Variants in KIF21B observed in about 807,000 individuals in gnomAD.
KIF21B encodes the protein kinesin family member 21B.
KIF21B carries 85 observed loss-of-function variants against 192.9 expected under a neutral mutation model. That is an observed-to-expected ratio of 0.44 (90% confidence interval 0.37 to 0.53). KIF21B has a LOEUF of 0.53. KIF21B is among the 20% of genes least tolerant of loss of function. KIF21B has a pLI of 0.00. For missense variants in KIF21B, 1,716 were observed against 2,194.8 expected, an observed-to-expected ratio of 0.78 and a Z score of 4.36; for synonymous variants, 832 against 884.6, an observed-to-expected ratio of 0.94 and a Z score of 1.05.
At chr1:201,021,482 C>A (rs896448846) in intron 1 of KIF21B, among the ~76,000 whole-genome samples, 12 of 152,352 alleles carry the variant, frequency 7.9e-5, no homozygotes, top group Non-Finnish European at 7.4e-5. Context: ...GGCAATCTGA[C>A]TGGGAACCAG....
Position 201,003,611 on chromosome 1 carries a change from T to C in KIF21B, c.1187A>G (p.Gln396Arg). The C allele has an allele frequency of 6.2e-7, 1 of 1,614,108 alleles. No homozygotes were observed. Among genetic ancestry groups the C allele is most frequent in the South Asian group, 1.1e-5 (1 of 91,082 alleles). Reference sequence around the variant, plus strand: ...CGCCTTATACTCCATCAGCTCCATCTGCAGCCGAGCAATCTCAGCCCGCAG... The same window carrying C: ...CGCCTTATACTCCATCAGCTCCATCCGCAGCCGAGCAATCTCAGCCCGCAG... ...SALRAEIARLQMELMEYKAGK... is the reference protein window; with the variant it reads ...SALRAEIARLRMELMEYKAGK... The change falls in exon 8 of 35, where the codon CAG (glutamine) becomes CGG (arginine). Residue 396 changes from glutamine (Q) to arginine (R), a missense_variant. Around this residue, in one of 3 missense-constraint regions of KIF21B, gnomAD observed 1,087 missense variants for 1,316.6 expected, o/e 0.83. Coordinates refer to ENST00000461742, the MANE Select transcript of KIF21B (RefSeq NM_001252102.2).
At chr1:201,003,843 C>A in intron 7 of KIF21B, 62 bp from the exon 8 acceptor site, 1 of 1,551,114 alleles carries the variant, frequency 6.4e-7, no homozygotes, top group Non-Finnish European at 8.9e-7. Context: ...GAAGCATTGC[C>A]TCAGGGTAGA....
At chr1:200,973,628 C>G (rs890836022) in intron 34 of KIF21B, 50 bp from the exon 35 acceptor site, 34 of 1,521,300 alleles carry the variant, frequency 2.2e-5, no homozygotes, top group Non-Finnish European at 3.0e-5. Flanking sequence ...TTGCAGTGGG[C>G]TTGGCTGGCT....
intron 1 of KIF21B, among the ~76,000 whole-genome samples, chr1:201,016,142 G>A (rs765471377): frequency 6.6e-6 from 1 of 152,188 alleles, no homozygotes; most frequent in African/African-American, 2.4e-5. Flanking sequence ...AATTTGTAAT[G>A]GTGGAGATGA....
At position 201,023,387 on chromosome 1, in the gene KIF21B, C is replaced by T; in HGVS notation, c.-4G>A. On this transcript the variant is annotated 5_prime_UTR_variant, in exon 1 of 35. Transcript: ENST00000461742. The surrounding 1 kb of genome is among the most constrained non-coding windows in gnomAD (Gnocchi z 5.9). ...AGCAGTCCCCCTGGCCGGCCATGGC[C>T]CTCTGGAGCTAGGGTCTGGGCGTGG... 6.6e-7 allele frequency: 1 copy of T among 1,524,668 alleles called. No individual in the cohort carries two copies. The highest frequency in any genetic ancestry group is 1.2e-5 in the South Asian group (1 of 81,718). 94.4% of individuals were successfully genotyped at this position (1,524,668 alleles called of 1,614,324 possible).
chr1:201,018,646 G>A (rs773251846), intron 1 of KIF21B, among the ~76,000 whole-genome samples: 15 of 152,174 alleles, frequency 9.9e-5, no homozygotes, highest in Non-Finnish European at 1.9e-4. Context: ...AATACCCTGG[G>A]TTCAAATCCA....
chr1:201,000,447 C>G lies in KIF21B; in HGVS notation c.1628G>C (p.Arg543Thr), dbSNP rs1245509885. The G allele has an allele frequency of 6.3e-7, 1 of 1,580,400 alleles. No individual in the cohort carries two copies. Among genetic ancestry groups the G allele is most frequent in the Admixed American group, 1.9e-5 (1 of 51,818 alleles). ...TAGCCGCTCCAGGTCCTGCTTGGCCCTGCGGATCACCTCCGAGGCATCCTC... is the reference window on the plus strand; with the variant it reads ...TAGCCGCTCCAGGTCCTGCTTGGCCGTGCGGATCACCTCCGAGGCATCCTC... ...SMEDASEVIR[R>T]AKQDLERLKK... Residue 543 changes from arginine to threonine, a missense_variant, in exon 11 of 35, where the codon AGG becomes ACG. Arg to Thr is a moderately conservative substitution (Grantham distance 71). Around this residue, in one of 3 missense-constraint regions of KIF21B, gnomAD observed 1,087 missense variants for 1,316.6 expected, o/e 0.83. Coordinates refer to ENST00000461742, the MANE Select transcript of KIF21B (RefSeq NM_001252102.2). This position sits in a 1 kb window ranked among gnomAD's most constrained non-coding sequence, Gnocchi z 6.0.
Position 200,983,077 on chromosome 1 carries a change from G to A in KIF21B, c.3821C>T (p.Ser1274Phe), listed in dbSNP as rs1656050059. 3 of 1,536,176 alleles carry A rather than the reference G, an allele frequency of 2.0e-6. No individual in the cohort carries two copies. Among genetic ancestry groups the A allele is most frequent in the Non-Finnish European group, 2.6e-6 (3 of 1,146,888 alleles). ...SALDKSDDSDSSLSEVLRGII... is the reference protein window; with the variant it reads ...SALDKSDDSDFSLSEVLRGII... Reference sequence around the variant, plus strand: ...GTACCTCAGGACCTCCGACAAAGAGGAGTCGCTGTCATCAGACCTGGGGAG... The same window carrying A: ...GTACCTCAGGACCTCCGACAAAGAGAAGTCGCTGTCATCAGACCTGGGGAG... The change falls in exon 28 of 35, where the codon TCC becomes TTC. Residue 1274 changes from serine (S) to phenylalanine (F), a missense_variant. By Grantham distance (155) the Ser-to-Phe change is radical (BLOSUM62 -2). Coordinates refer to ENST00000461742, the MANE Select transcript of KIF21B (RefSeq NM_001252102.2).
rs1454450302 is a variant in KIF21B at position 200,999,100 on chromosome 1, T to C, written c.1885+249A>G. Among the ~76,000 whole-genome samples, 1 of 152,150 alleles carries C rather than the reference T, an allele frequency of 6.6e-6. No individual in the cohort carries two copies. The highest frequency in any genetic ancestry group is 2.4e-5 in the African/African-American group (1 of 41,420). ...TAGGGAAGCTCACCACCCCTATGCA[T>C]ACAGTTGCAGTGAAGACTGAAAGAA... On this transcript the variant is annotated intron_variant, in intron 13 of 34. Coordinates refer to ENST00000461742, the MANE Select transcript of KIF21B (RefSeq NM_001252102.2). This position sits in a 1 kb window ranked among gnomAD's most constrained non-coding sequence, Gnocchi z 4.7.
Position 200,973,940 on chromosome 1 carries a change from C to A in KIF21B, c.4815-362G>T, listed in dbSNP as rs1571904089. On this transcript the variant is annotated intron_variant, in intron 34 of 34. Transcript: ENST00000461742. Reference sequence around the variant, plus strand: ...GTGGGTGCAGGAGGGACAGGCAGGGCACCTCTCTAGGCCAGGCAGGACAGG... The same window carrying A: ...GTGGGTGCAGGAGGGACAGGCAGGGAACCTCTCTAGGCCAGGCAGGACAGG... The A allele has an allele frequency of 3.9e-6, 6 of 1,526,006 alleles. No individual in the cohort carries two copies. The East Asian group carries it at 1.5e-4, about 37-fold the overall frequency. 94.5% of individuals were successfully genotyped at this position (1,526,006 alleles called of 1,614,324 possible).
intron 1 of KIF21B, among the ~76,000 whole-genome samples, chr1:201,021,161 T>A (rs1658798342): frequency 6.6e-6 from 1 of 151,726 alleles, no homozygotes; most frequent in Non-Finnish European, 1.5e-5. Context: ...CAAGGAAAAC[T>A]CCCCCTACAG....
chr1:200,986,843 C>T lies in KIF21B; in HGVS notation c.3689+1G>A. On this transcript the variant is annotated splice_donor_variant, in intron 26 of 34. Coordinates refer to ENST00000461742, the MANE Select transcript of KIF21B (RefSeq NM_001252102.2). LOFTEE classifies it high-confidence loss of function. The stretch of plus-strand genomic sequence containing the variant: ...GAGCAGATTCTAGAACATGATCTCA[C>T]CTAATGGGCTGCCCTCGGTCGTAGG... The T allele has an allele frequency of 1.2e-6, 2 of 1,612,216 alleles. No individual in the cohort carries two copies. The highest frequency in any genetic ancestry group is 1.7e-6 in the Non-Finnish European group (2 of 1,178,996).
At position 201,004,350 on chromosome 1, in the gene KIF21B, C is replaced by T; in HGVS notation, c.1006G>A (p.Gly336Arg). The T allele has an allele frequency of 6.4e-7, 1 of 1,565,306 alleles. No homozygotes were observed. The highest frequency in any genetic ancestry group is 8.7e-7 in the Non-Finnish European group (1 of 1,154,016). Residue 336 changes from glycine (G) to arginine (R), a missense_variant, in exon 7 of 35, where the codon GGG (glycine) becomes AGG (arginine). Coordinates refer to ENST00000461742, the MANE Select transcript of KIF21B (RefSeq NM_001252102.2). Reference sequence around the variant, plus strand: ...TTGGTCACCAGATACCTGTTGCCCCCCAGCGAATCCTGGAGGAGCCGAGTG... The same window carrying T: ...TTGGTCACCAGATACCTGTTGCCCCTCAGCGAATCCTGGAGGAGCCGAGTG... ...KLTRLLQDSL[G>R]GNSQTIMIAC... is the part of the protein sequence containing the mutation.
intron 1 of KIF21B, among the ~76,000 whole-genome samples, chr1:201,020,698 G>A (rs574767496): frequency 7.9e-5 from 12 of 152,102 alleles, no homozygotes; most frequent in Admixed American, 1.3e-4. Flanking sequence ...TCACTGAAGC[G>A]TTTCACAGCC....
intron 3 of KIF21B, 45 bp downstream of exon 3, chr1:201,008,724 T>C: frequency 6.5e-7 from 1 of 1,527,954 alleles, no homozygotes; most frequent in African/African-American, 1.4e-5. Flanking sequence ...ATGGTCCTGT[T>C]GTCCACCAAG....
intron 14 of KIF21B, 82 bp from the exon 15 acceptor site, chr1:200,996,477 G>A (rs1657078414): frequency 1.6e-6 from 2 of 1,219,194 alleles, no homozygotes; most frequent in Non-Finnish European, 2.4e-6. Flanking sequence ...GGGAACGCAG[G>A]AACCCTCTGT....
At chr1:201,005,142 A>G (rs977160925) in intron 5 of KIF21B, among the ~76,000 whole-genome samples, 166 bp downstream of exon 5, 1 of 152,274 alleles carries the variant, frequency 6.6e-6, no homozygotes, top group East Asian at 1.9e-4. Flanking sequence ...TCATTAAGCC[A>G]TTTTACAAAT....
At chr1:201,018,559 T>C (rs1326794053) in intron 1 of KIF21B, among the ~76,000 whole-genome samples, 1 of 152,208 alleles carries the variant, frequency 6.6e-6, no homozygotes, top group Non-Finnish European at 1.5e-5. Flanking sequence ...GCATAGAGAC[T>C]TCAAGAACAC....
chr1:201,001,192 A>C (rs1657479177), intron 9 of KIF21B, among the ~76,000 whole-genome samples: 1 of 152,054 alleles, frequency 6.6e-6, no homozygotes, highest in Non-Finnish European at 1.5e-5. Flanking sequence ...TGCCTCTAAT[A>C]GGGCAGCTCA....
Sources: gnomAD v4.1 joint callset for allele counts (sites outside exome capture counted in the v4.1 genomes callset) on GRCh38, gnomAD v4.1.1 for gene constraint, gnomAD v4.1.1 regional missense constraint, Gnocchi (gnomAD v3.1) non-coding constraint, MANE v1.5 for transcripts, NCBI Gene and HGNC (gene_info 2026-07-23, HGNC 2026-07-21) for gene names.